The following ANKLE2 variants were observed in gnomAD, a reference collection of about 807,000 sequenced individuals.
ANKLE2 encodes the protein ankyrin repeat and LEM domain containing 2.
Under a neutral mutation model 84.2 loss-of-function variants are expected in ANKLE2, and 55 were observed. That is an observed-to-expected ratio of 0.65 (90% CI 0.53 to 0.82). The LOEUF (loss-of-function observed/expected upper bound fraction) is 0.82. ANKLE2 is among the 40% of genes least tolerant of loss of function. ANKLE2 has a pLI of 0.00. For missense variants in ANKLE2, 1,238 were observed against 1,201.9 expected, an observed-to-expected ratio of 1.03 and a Z score of -0.44; for synonymous variants, 551 against 486.1, an observed-to-expected ratio of 1.13 and a Z score of -1.76.
chr12:132,750,888 T>C (rs370772888), intron 2 of ANKLE2, 39 bp from the exon 3 acceptor site: 4 of 1,581,098 alleles, frequency 2.5e-6, no homozygotes, highest in Middle Eastern at 2.1e-4. Context: ...CAGAGAAGAG[T>C]GACTGGAGAG....
In ANKLE2 at chr12:132,743,960, C is replaced by G. The variant is rs892859354; in HGVS notation, c.1231-684G>C. Among the ~76,000 whole-genome samples the G allele has an allele frequency of 6.6e-6, 1 of 152,214 alleles. No homozygotes were observed. The highest frequency in any genetic ancestry group is 2.4e-5 in the African/African-American group (1 of 41,456). ...TGGTCTGTACTCAAAGAAGTCTCTG[C>G]GGCCTGTGACACCACAGTAAACGAA... On this transcript the variant is annotated intron_variant, in intron 5 of 12. Coordinates refer to ENST00000357997, the MANE Select transcript of ANKLE2 (RefSeq NM_015114.3). This position sits in a 1 kb window ranked among gnomAD's most constrained non-coding sequence, Gnocchi z 4.1.
At chr12:132,757,064 G>T (rs994368456) in intron 1 of ANKLE2, 1 of 152,258 alleles carries the variant, frequency 6.6e-6, no homozygotes, top group Non-Finnish European at 1.5e-5. Context: ...TAACACAGGG[G>T]AAGCTAACCT....
Position 132,743,266 on chromosome 12 carries a change from G to A in ANKLE2, c.1241C>T (p.Thr414Ile). ...LNTPDKMGYDTPLHFACKFGN... is the reference protein window; with the variant it reads ...LNTPDKMGYDIPLHFACKFGN... ...AAACTTACAAGCAAAATGCAACGGT[G>A]TGTCATAGCCCTGAAAAAAGGTGCA... Residue 414 changes from threonine to isoleucine, a missense_variant, in exon 6 of 13, where the codon ACA becomes ATA. By Grantham distance (89) the Thr-to-Ile change is moderately conservative. This residue lies in a region of ANKLE2 where 802 missense variants were observed against 774.5 expected (regional missense o/e 1.04). Coordinates refer to ENST00000357997, the MANE Select transcript of ANKLE2 (RefSeq NM_015114.3). This position sits in a 1 kb window ranked among gnomAD's most constrained non-coding sequence, Gnocchi z 4.1. 5 of 1,610,742 alleles carry A rather than the reference G, an allele frequency of 3.1e-6. No homozygotes were observed. The highest frequency in any genetic ancestry group is 4.2e-6 in the Non-Finnish European group (5 of 1,178,234).
chr12:132,748,882 T>TATATATATATATATATATATATATAC (rs1380526374), intron 3 of ANKLE2: 1 of 148,516 alleles, frequency 6.7e-6, no homozygotes, highest in Non-Finnish European at 1.5e-5. Context: ...TATATATATA[T>TATATATATATATATATATATATATAC]ACACACGTAT....
chr12:132,733,870 CG>C, intron 10 of ANKLE2: 2 of 432,554 alleles, frequency 4.6e-6, no homozygotes, highest in Non-Finnish European at 9.2e-6. Context: ...TTTGAGAAAA[CG>C]GCACAGAATG....
intron 9 of ANKLE2, chr12:132,734,952 AAGCCTGGAGG>A (rs1195514674): frequency 3.6e-6 from 1 of 278,134 alleles, no homozygotes; most frequent in Admixed American, 5.0e-5. Context: ...AGGCACACGA[AAGCCTGGAGG>A]TCCTTTCTGG....
Position 132,761,470 on chromosome 12 carries a change from G to A in ANKLE2, c.181+148C>T, listed in dbSNP as rs1012085063. ...CAACTGCCCTTTCCGCGGCCGGAAT[G>A]GCCTTTCCCGACCGGCCCTGGTTTC... is the stretch of plus-strand genomic sequence containing the variant. On this transcript the variant is annotated intron_variant, in intron 1 of 12. Coordinates refer to ENST00000357997, the MANE Select transcript of ANKLE2 (RefSeq NM_015114.3). 1.0e-5 allele frequency: 7 copies of A among 669,596 alleles called. No homozygotes were observed. The African/African-American group carries it at 1.1e-4, about 11-fold the overall frequency. 41.5% of individuals were successfully genotyped at this position (669,596 alleles called of 1,614,324 possible). A position where few individuals can be genotyped will look rare whatever the true frequency, so the allele number is the denominator to read the frequency against.
In ANKLE2 at chr12:132,761,792, A is replaced by T; in HGVS notation, c.7T>A (p.Trp3Arg). 8.9e-7 allele frequency: 1 copy of T among 1,123,092 alleles called. No individual in the cohort carries two copies. Among genetic ancestry groups the T allele is most frequent in the African/African-American group, 1.7e-5 (1 of 60,156 alleles). The allele number at this position is 1,123,092 out of a possible 1,614,324, so 69.6% of individuals were successfully genotyped here. A position where few individuals can be genotyped will look rare whatever the true frequency, so the allele number is the denominator to read the frequency against. Reference protein sequence around the residue: MLWPRLAAAEWAA... With the variant: MLRPRLAAAEWAA... ...CACTCGGCCGCCGCCAGCCGCGGCCACAGCATCGCCGCCGCCCGGGCCGCA... is the reference window on the plus strand; with the variant it reads ...CACTCGGCCGCCGCCAGCCGCGGCCTCAGCATCGCCGCCGCCCGGGCCGCA... The change falls in exon 1 of 13, where the codon TGG becomes AGG. Residue 3 changes from tryptophan (W) to arginine (R), a missense_variant. Around this residue, in one of 3 missense-constraint regions of ANKLE2, gnomAD observed 422 missense variants for 394.5 expected, o/e 1.07. Transcript: ENST00000357997.
At chr12:132,728,293 G>C in intron 11 of ANKLE2, 130 bp from the exon 12 acceptor site, 1 of 1,166,238 alleles carries the variant, frequency 8.6e-7, no homozygotes. Context: ...GCAGTGGCGT[G>C]ATCTCGGCTC....
Position 132,743,454 on chromosome 12 carries a change from C to G in ANKLE2, c.1231-178G>C, listed in dbSNP as rs1023964091. Among the ~76,000 whole-genome samples, 22 of 152,088 alleles carry G rather than the reference C, an allele frequency of 1.4e-4. No individual in the cohort carries two copies. Among genetic ancestry groups the G allele is most frequent in the Middle Eastern group, 3.4e-3 (1 of 290 alleles). On this transcript the variant is annotated intron_variant, in intron 5 of 12. Coordinates refer to ENST00000357997, the MANE Select transcript of ANKLE2 (RefSeq NM_015114.3). This position sits in a 1 kb window ranked among gnomAD's most constrained non-coding sequence, Gnocchi z 4.1. ...TCCCGGGTTTAACCGATTCTCCTGC[C>G]TCAGGCTCCCCAGTACCTGGGACTA...
rs763542357 is a variant in ANKLE2 at position 132,748,338 on chromosome 12, G to A, written c.848-7C>T. 1.9e-6 allele frequency: 3 copies of A among 1,613,666 alleles called. No homozygotes were observed. The highest frequency in any genetic ancestry group is 2.5e-6 in the Non-Finnish European group (3 of 1,179,854). On this transcript the variant is annotated splice_polypyrimidine_tract_variant and splice_region_variant and intron_variant, in intron 3 of 12. Transcript: ENST00000357997. Reference sequence around the variant, plus strand: ...TCCGACAAGCACAAACCATCTGTCAGTAAGAGACAGAATTTAAGAACAATC... The same window carrying A: ...TCCGACAAGCACAAACCATCTGTCAATAAGAGACAGAATTTAAGAACAATC...
chr12:132,747,724 T>C (rs1459901686), intron 5 of ANKLE2, 108 bp downstream of exon 5: 1 of 1,385,206 alleles, frequency 7.2e-7, no homozygotes, highest in African/African-American at 1.5e-5. Context: ...ATGTATCTTT[T>C]CCCCAAAGTT....
intron 3 of ANKLE2, among the ~76,000 whole-genome samples, chr12:132,749,631 G>A (rs74416949): frequency 0.013 from 1,972 of 152,332 alleles, 39 homozygotes; most frequent in African/African-American, 0.044. Flanking sequence ...GTACCAGCCC[G>A]CCAGGGAAGC....
In ANKLE2 at chr12:132,735,520, GA is replaced by G. The variant is rs761013203; in HGVS notation, c.1594-9del. 5.0e-5 allele frequency: 79 copies of G among 1,587,948 alleles called. 1 individual carries two copies. The highest frequency in any genetic ancestry group is 7.9e-5 in the South Asian group (7 of 88,502). On this transcript the variant is annotated splice_polypyrimidine_tract_variant and intron_variant, in intron 8 of 12. Coordinates refer to ENST00000357997, the MANE Select transcript of ANKLE2 (RefSeq NM_015114.3). Reference sequence around the variant, plus strand: ...CTTGCGAAAATCTTCTGCCTATGAAGAAAAAAAAATGTATTGAGCCGTGTCA... The same window carrying G: ...CTTGCGAAAATCTTCTGCCTATGAAGAAAAAAAATGTATTGAGCCGTGTCA...
At chr12:132,727,693 T>C (rs80031779) in intron 12 of ANKLE2, among the ~76,000 whole-genome samples, 1,145 of 56,136 alleles carry the variant, frequency 0.02, no homozygotes, top group East Asian at 0.044. Context: ...CACATGCGTC[T>C]GGGTGGAGGA....
At position 132,754,730 on chromosome 12, in the gene ANKLE2, C is replaced by A. The variant is rs777634719; in HGVS notation, c.585G>T (p.Glu195Asp). 1 of 1,614,126 alleles carries A rather than the reference C, an allele frequency of 6.2e-7. No homozygotes were observed. The highest frequency in any genetic ancestry group is 2.2e-5 in the East Asian group (1 of 44,890). The part of the protein sequence containing the change: ...TYRAGATASK[E>D]PPLYYGVCPV... ...GACACACCCCATAGTACAGGGGCGG[C>A]TCCTTAGACGCAGTCGCTCCAGCTC... Residue 195 changes from glutamate to aspartate, a missense_variant, in exon 2 of 13, where the codon GAG (glutamate) becomes GAT (aspartate). Physicochemically the swap from Glu to Asp is conservative, Grantham distance 45 (BLOSUM62 2). Transcript: ENST00000357997.
intron 2 of ANKLE2, among the ~76,000 whole-genome samples, chr12:132,751,830 A>T (rs1467495600): frequency 6.6e-6 from 1 of 152,130 alleles, no homozygotes; most frequent in Non-Finnish European, 1.5e-5. Context: ...GGCATGAGCC[A>T]CTGTACCCGG....
chr12:132,729,789 T>C lies in ANKLE2; in HGVS notation c.2373A>G (p.Glu791=). 6.2e-7 allele frequency: 1 copy of C among 1,612,962 alleles called. No individual in the cohort carries two copies. The change falls in exon 11 of 13, where the codon GAA becomes GAG. Residue 791 remains glutamate, a synonymous_variant. Transcript: ENST00000357997. ...DQLGNGHRRT[E]SEMSARIAKM... is the part of the protein sequence containing the mutation. ...TAGCGATCCTGGCTGACATTTCACT[T>C]TCTGTCCTCCTGTGGCCATTCCCGA...
rs1355948788 is a variant in ANKLE2, at chr12:132,741,515, T to C, written c.1354-30A>G. On this transcript the variant is annotated intron_variant, in intron 6 of 12. Transcript: ENST00000357997. ...TGGAAAAAAAAGTGTGTCTAAATCT[T>C]ATTTGATCGCAACATTTCCTTATCA... The C allele has an allele frequency of 2.5e-6, 4 of 1,595,576 alleles. No individual in the cohort carries two copies. The South Asian group carries it at 4.4e-5, about 18-fold the overall frequency.
Sources: gnomAD v4.1 joint callset for allele counts (sites outside exome capture counted in the v4.1 genomes callset) on GRCh38, gnomAD v4.1.1 for gene constraint, gnomAD v4.1.1 regional missense constraint, Gnocchi (gnomAD v3.1) non-coding constraint, MANE v1.5 for transcripts, NCBI Gene and HGNC (gene_info 2026-07-23, HGNC 2026-07-21) for gene names.